The following DPP6 variants were observed in gnomAD, a reference collection of about 807,000 sequenced individuals.
DPP6 encodes the protein dipeptidyl peptidase like 6.
Under a neutral mutation model 122.6 loss-of-function variants are expected in DPP6, and 69 were observed. The ratio of observed to expected loss-of-function variants is 0.56; its 90% CI spans 0.46 to 0.69. The LOEUF is 0.69. Ranked by LOEUF, DPP6 falls within the 30% of genes least tolerant of loss-of-function variation. The pLI, the probability that DPP6 is intolerant of heterozygous loss-of-function variation, is 0.00. For missense variants in DPP6, 928 were observed against 1,116.9 expected (o/e 0.83, Z 2.41); for synonymous variants, 418 against 433.1 (o/e 0.97, Z 0.43).
intron 1 of DPP6, among the ~76,000 whole-genome samples, chr7:154,216,786 G>A (rs1585654447): frequency 6.7e-6 from 1 of 149,542 alleles, no homozygotes; most frequent in South Asian, 2.1e-4. Context: ...TTACAAGTTC[G>A]TTATTGCTGT....
At chr7:154,778,822 C>T (rs1029195101) in intron 10 of DPP6, among the ~76,000 whole-genome samples, 1 of 147,500 alleles carries the variant, frequency 6.8e-6, no homozygotes, top group African/African-American at 2.5e-5. Flanking sequence ...CAACTTCCAA[C>T]CTTCACCACC....
intron 1 of DPP6, among the ~76,000 whole-genome samples, chr7:153,896,565 G>A (rs1034573357): frequency 5.9e-5 from 9 of 152,176 alleles, no homozygotes; most frequent in Non-Finnish European, 1.2e-4. Context: ...AGCACTTTGG[G>A]AGGCTGAGGT....
intron 1 of DPP6, among the ~76,000 whole-genome samples, chr7:154,068,514 C>T (rs1802899231): frequency 8.6e-6 from 1 of 115,770 alleles, no homozygotes; most frequent in Non-Finnish European, 1.9e-5. Context: ...GCCCAGTGGC[C>T]CCGGCCTTGG....
At position 154,432,123 on chromosome 7, in the gene DPP6, A is replaced by C. The variant is rs189616326; in HGVS notation, c.244-14091A>C. On this transcript the variant is annotated intron_variant, in intron 1 of 25. Coordinates refer to ENST00000377770, the MANE Select transcript of DPP6 (RefSeq NM_130797.4). ...TAATTCAAAGAAATGAAGAGCAAAA[A>C]TCACAGTACAAGTAGTTTAGCTTTT... 2.3e-3 allele frequency among the ~76,000 whole-genome samples: 347 copies of C among 152,332 alleles called. 3 individuals carry two copies. Among genetic ancestry groups the C allele is most frequent in the African/African-American group, 8.0e-3 (331 of 41,574 alleles).
At chr7:154,163,777 G>T (rs1296724098) in intron 1 of DPP6, among the ~76,000 whole-genome samples, 1 of 152,208 alleles carries the variant, frequency 6.6e-6, no homozygotes, top group African/African-American at 2.4e-5. Flanking sequence ...GATCTCTGGG[G>T]CTGGGTGGAG....
chr7:153,801,835 T>C, the DPP6 span, among the ~76,000 whole-genome samples: 1 of 152,132 alleles, frequency 6.6e-6, no homozygotes, highest in African/African-American at 2.4e-5. Flanking sequence ...CCATGGTTCA[T>C]TAAAAGTTAA....
chr7:153,876,062 C>T, the DPP6 span, among the ~76,000 whole-genome samples: 1 of 151,842 alleles, frequency 6.6e-6, no homozygotes, highest in Non-Finnish European at 1.5e-5. Flanking sequence ...TAAATAGTGT[C>T]ATTGCATTAG....
intron 1 of DPP6, among the ~76,000 whole-genome samples, chr7:153,897,260 T>C (rs1048322276): frequency 2.0e-5 from 3 of 152,202 alleles, no homozygotes; most frequent in Non-Finnish European, 4.4e-5. Flanking sequence ...CACACCACAA[T>C]GTATTCTTTC....
At chr7:154,488,388 G>A (rs1823981908) in intron 3 of DPP6, among the ~76,000 whole-genome samples, 1 of 151,754 alleles carries the variant, frequency 6.6e-6, no homozygotes, top group Non-Finnish European at 1.5e-5. Context: ...TACTCGGGAG[G>A]CAGTGAGCCA....
chr7:154,204,901 A>G (rs1044297900), intron 1 of DPP6, among the ~76,000 whole-genome samples: 3 of 152,088 alleles, frequency 2.0e-5, no homozygotes, highest in South Asian at 2.1e-4. Flanking sequence ...CCATTGTTCA[A>G]TCATAAGCTG....
At chr7:154,600,252 T>C (rs574323604) in intron 5 of DPP6, among the ~76,000 whole-genome samples, 14,304 of 87,342 alleles carry the variant, frequency 0.16, 1,766 homozygotes, top group East Asian at 0.32. Context: ...CTCAGCCTCC[T>C]GAGTAGCTGG....
chr7:154,445,845 T>A (rs1176073022), intron 1 of DPP6, among the ~76,000 whole-genome samples: 1 of 151,604 alleles, frequency 6.6e-6, no homozygotes, highest in Non-Finnish European at 1.5e-5. Context: ...TTGGGTTGGA[T>A]TCAATGAGGG....
At chr7:154,057,759 C>G (rs1213247174) in intron 1 of DPP6, 1 of 150,676 alleles carries the variant, frequency 6.6e-6, no homozygotes, top group Middle Eastern at 3.4e-3. Flanking sequence ...AGAAAATCTT[C>G]TGGCAGCCCC....
the DPP6 span, among the ~76,000 whole-genome samples, chr7:153,868,259 T>C: frequency 5.3e-5 from 8 of 152,106 alleles, no homozygotes; most frequent in Non-Finnish European, 7.3e-5. Flanking sequence ...TGGTAGAATT[T>C]GGCTGTGAAT....
chr7:154,023,097 C>T (rs1798783452), intron 1 of DPP6, among the ~76,000 whole-genome samples: 2 of 151,890 alleles, frequency 1.3e-5, no homozygotes, highest in African/African-American at 4.8e-5. Context: ...CTCTGTTTCA[C>T]CTAACACTCA....
chr7:153,844,627 T>C, the DPP6 span, among the ~76,000 whole-genome samples: 3 of 152,252 alleles, frequency 2.0e-5, no homozygotes, highest in African/African-American at 7.2e-5. Context: ...GTAAAAAGCA[T>C]TCTTAGTTCA....
intron 25 of DPP6, chr7:154,889,865 G>A (rs919868698): frequency 4.5e-5 from 14 of 312,654 alleles, no homozygotes; most frequent in South Asian, 1.3e-4. Context: ...GGGCTATCCC[G>A]CTGCGGAGAG....
At chr7:153,884,987 A>AATATATATATATATATATATATAT (rs56329841), upstream of DPP6, among the ~76,000 whole-genome samples, 2 of 116,458 alleles carry the variant, frequency 1.7e-5, no homozygotes, top group African/African-American at 6.9e-5. Flanking sequence ...TCAAAACAAA[A>AATATATATATATATATATATATAT]ATATATATAT....
intron 6 of DPP6, among the ~76,000 whole-genome samples, chr7:154,660,753 C>G: frequency 4.9e-5 from 1 of 20,356 alleles, no homozygotes; most frequent in Non-Finnish European, 1.2e-4. Context: ...GGCGTATTGG[C>G]CGTAGTGTTC....
Sources: gnomAD v4.1 joint callset for allele counts (sites outside exome capture counted in the v4.1 genomes callset) on GRCh38, gnomAD v4.1.1 for gene constraint, MANE v1.5 for transcripts, NCBI Gene and HGNC (gene_info 2026-07-23, HGNC 2026-07-21) for gene names.